Variants in HPCA observed in about 807,000 individuals in gnomAD.
HPCA encodes hippocalcin.
A neutral mutation model predicts 18.2 loss-of-function variants in HPCA; 4 were observed. The observed-to-expected ratio is 0.22, with a 90% CI of 0.11 to 0.50. The LOEUF is 0.50. HPCA is among the 20% of genes least tolerant of loss of function. The pLI, the probability that HPCA is intolerant of heterozygous loss-of-function variation, is 0.97. For missense variants in HPCA, 161 were observed against 265.8 expected, an observed-to-expected ratio of 0.61 and a Z score of 2.74; for synonymous variants, 93 against 103.5, an observed-to-expected ratio of 0.90 and a Z score of 0.61.
At chr1:32,891,010 TACTG>T (rs1641444872) in intron 2 of HPCA, among the ~76,000 whole-genome samples, 2 of 152,202 alleles carry the variant, frequency 1.3e-5, no homozygotes, top group Admixed American at 1.3e-4. Flanking sequence ...AGCAGCTGGG[TACTG>T]ACTATCTGAA....
rs367697699 is a variant in HPCA, at chr1:32,893,719, C to T, written c.485-46C>T. On this transcript the variant is annotated intron_variant, in intron 3 of 3. Transcript: ENST00000373467. This position sits in a 1 kb window ranked among gnomAD's most constrained non-coding sequence, Gnocchi z 7.5. ...CCCTTTCCCGCTCCGCCTCCCCTCGCTAGGCTGCCGCCTCCTCCCCCATCA... is the reference window on the plus strand; with the variant it reads ...CCCTTTCCCGCTCCGCCTCCCCTCGTTAGGCTGCCGCCTCCTCCCCCATCA... 267 of 1,520,634 alleles carry T rather than the reference C, an allele frequency of 1.8e-4. No individual in the cohort carries two copies. Among genetic ancestry groups the T allele is most frequent in the African/African-American group, 3.0e-4 (22 of 72,566 alleles). 94.2% of individuals were successfully genotyped at this position (1,520,634 alleles called of 1,614,324 possible).
At chr1:32,892,728 G>C (rs184501510) in intron 2 of HPCA, among the ~76,000 whole-genome samples, 2,017 of 152,310 alleles carry the variant, frequency 0.013, 14 homozygotes, top group Non-Finnish European at 0.02. Context: ...GGAGAAGGGA[G>C]GCTTCTTGGA....
intron 2 of HPCA, among the ~76,000 whole-genome samples, chr1:32,890,712 C>T (rs973425198): frequency 6.6e-6 from 1 of 152,256 alleles, no homozygotes; most frequent in African/African-American, 2.4e-5. Context: ...CCTTCTGCAT[C>T]TCTGAATCCT....
chr1:32,891,209 C>G (rs553791109), intron 2 of HPCA, among the ~76,000 whole-genome samples: 1 of 152,236 alleles, frequency 6.6e-6, no homozygotes, highest in African/African-American at 2.4e-5. Context: ...CCGGGGGCCC[C>G]AGACAGCTGG....
intron 2 of HPCA, among the ~76,000 whole-genome samples, chr1:32,891,195 C>A (rs760603527): frequency 1.1e-4 from 16 of 152,234 alleles, no homozygotes; most frequent in Non-Finnish European, 2.4e-4. Flanking sequence ...TCTTTTAGGG[C>A]GGCCCGGGGG....
Position 32,894,224 on chromosome 1 carries a change from CT to C in HPCA, c.*367del. On this transcript the variant is annotated 3_prime_UTR_variant, in exon 4 of 4. Transcript: ENST00000373467. The stretch of plus-strand genomic sequence containing the variant: ...GGGGAGTCATGCCCAGGGGAGGAGA[CT>C]TTTTATCTGGAGGGGAGAGAAGGAT... The C allele has an allele frequency of 3.9e-6, 1 of 259,044 alleles. No homozygotes were observed. Among genetic ancestry groups the C allele is most frequent in the Non-Finnish European group, 7.4e-6 (1 of 134,952 alleles). 16.0% of individuals were successfully genotyped at this position (259,044 alleles called of 1,614,324 possible).
At position 32,894,362 on chromosome 1, in the gene HPCA, G is replaced by A. The variant is rs113928878; in HGVS notation, c.*500G>A. 58 of 189,414 alleles carry A rather than the reference G, an allele frequency of 3.1e-4. No individual in the cohort carries two copies. The highest frequency in any genetic ancestry group is 1.0e-3 in the African/African-American group (44 of 42,938). 11.7% of individuals were successfully genotyped at this position (189,414 alleles called of 1,614,324 possible). On this transcript the variant is annotated 3_prime_UTR_variant, in exon 4 of 4. Coordinates refer to ENST00000373467, the MANE Select transcript of HPCA (RefSeq NM_002143.3). ...GTGAAACCTTCCAGGATACTAGCCC[G>A]CCAGCTGTGGGCCCCAGAAAGCCAG...
rs1008627295 is a variant in HPCA, at chr1:32,889,529, C to A, written c.378+253C>A. On this transcript the variant is annotated intron_variant, in intron 2 of 3. Coordinates refer to ENST00000373467, the MANE Select transcript of HPCA (RefSeq NM_002143.3). The surrounding 1 kb of genome is among the most constrained non-coding windows in gnomAD (Gnocchi z 4.6). Reference sequence around the variant, plus strand: ...CTTCATCATTATCAGTGTGTGTGTGCGTGTGTGCACACTAGTGTGTAACAT... The same window carrying A: ...CTTCATCATTATCAGTGTGTGTGTGAGTGTGTGCACACTAGTGTGTAACAT... 2.0e-5 allele frequency among the ~76,000 whole-genome samples: 3 copies of A among 152,144 alleles called. No homozygotes were observed. The highest frequency in any genetic ancestry group is 7.2e-5 in the African/African-American group (3 of 41,430).
At position 32,893,958 on chromosome 1, in the gene HPCA, G is replaced by C; in HGVS notation, c.*96G>C. On this transcript the variant is annotated 3_prime_UTR_variant, in exon 4 of 4. Coordinates refer to ENST00000373467, the MANE Select transcript of HPCA (RefSeq NM_002143.3). This position sits in a 1 kb window ranked among gnomAD's most constrained non-coding sequence, Gnocchi z 7.5. ...GTGTATTCTGGCTGGGGGCCAGATT[G>C]GGGAAGCCCTTCTCCCCGGGTCTGC... The C allele has an allele frequency of 3.2e-6, 3 of 944,852 alleles. No homozygotes were observed. Among genetic ancestry groups the C allele is most frequent in the South Asian group, 3.0e-5 (2 of 66,418 alleles). 58.5% of individuals were successfully genotyped at this position (944,852 alleles called of 1,614,324 possible).
rs765381859 is a variant in HPCA, at chr1:32,893,638, C to G, written c.484+9C>G. On this transcript the variant is annotated intron_variant, in intron 3 of 3. Transcript: ENST00000373467. The surrounding 1 kb of genome is among the most constrained non-coding windows in gnomAD (Gnocchi z 7.5). ...GGACACAAACAACGACGGTGAGGGG[C>G]AGGGGCGGGACGGGGTGGACGGGGC... 27 of 1,574,172 alleles carry G rather than the reference C, an allele frequency of 1.7e-5. 1 individual carries two copies. The South Asian group carries it at 3.0e-4, about 17-fold the overall frequency.
chr1:32,894,126 C>T lies in HPCA; in HGVS notation c.*264C>T. On this transcript the variant is annotated 3_prime_UTR_variant, in exon 4 of 4. Coordinates refer to ENST00000373467, the MANE Select transcript of HPCA (RefSeq NM_002143.3). ...CCCTCAGTCAGGCCCCCTTACCCACCCACCAGCCCCAAGGCCCGACCCCTC... is the reference window on the plus strand; with the variant it reads ...CCCTCAGTCAGGCCCCCTTACCCACTCACCAGCCCCAAGGCCCGACCCCTC... 2.1e-6 allele frequency: 1 copy of T among 472,076 alleles called. No individual in the cohort carries two copies. The highest frequency in any genetic ancestry group is 3.8e-6 in the Non-Finnish European group (1 of 263,782). The allele number at this position is 472,076 out of a possible 1,614,324, so 29.2% of individuals were successfully genotyped here.
At chr1:32,890,517 A>G (rs1641437678) in intron 2 of HPCA, among the ~76,000 whole-genome samples, 1 of 152,176 alleles carries the variant, frequency 6.6e-6, no homozygotes, top group Non-Finnish European at 1.5e-5. Context: ...GCAGGGATAG[A>G]GTGAGATAAG....
At position 32,893,642 on chromosome 1, in the gene HPCA, G is replaced by A. The variant is rs376928704; in HGVS notation, c.484+13G>A. ...ACAAACAACGACGGTGAGGGGCAGG[G>A]GCGGGACGGGGTGGACGGGGCGGGC... is the stretch of plus-strand genomic sequence containing the variant. On this transcript the variant is annotated intron_variant, in intron 3 of 3. Transcript: ENST00000373467. This position sits in a 1 kb window ranked among gnomAD's most constrained non-coding sequence, Gnocchi z 7.5. The A allele has an allele frequency of 2.4e-5, 38 of 1,601,426 alleles. No homozygotes were observed. In the East Asian group the frequency reaches 3.6e-4, roughly 15 times the overall value.
At position 32,889,134 on chromosome 1, in the gene HPCA, C is replaced by T; in HGVS notation, c.236C>T (p.Thr79Ile). The T allele has an allele frequency of 6.2e-7, 1 of 1,614,258 alleles. No homozygotes were observed. The highest frequency in any genetic ancestry group is 1.1e-5 in the South Asian group (1 of 91,090). ...ACCTTTGACACCAACAGCGATGGCA[C>T]CATAGACTTTCGGGAGTTCATCATT... ...FRTFDTNSDGTIDFREFIIAL... is the reference protein window; with the variant it reads ...FRTFDTNSDGIIDFREFIIAL... Residue 79 changes from threonine (T) to isoleucine (I), a missense_variant, in exon 2 of 4, where the codon ACC becomes ATC. By Grantham distance (89) the Thr-to-Ile change is moderately conservative. Transcript: ENST00000373467. This position sits in a 1 kb window ranked among gnomAD's most constrained non-coding sequence, Gnocchi z 4.6.
chr1:32,888,853 G>T, intron 1 of HPCA, 25 bp from the exon 2 acceptor site: 2 of 1,572,730 alleles, frequency 1.3e-6, no homozygotes, highest in Non-Finnish European at 1.7e-6. Context: ...ACTCCTCTCT[G>T]CCCTTGACCC....
chr1:32,887,543 C>T (rs971631919), intron 1 of HPCA, among the ~76,000 whole-genome samples: 3 of 152,040 alleles, frequency 2.0e-5, no homozygotes, highest in African/African-American at 7.2e-5. Context: ...ACTCAGGGGA[C>T]CTTTCAGGAC....
rs1022740917 is a variant in HPCA at position 32,886,773 on chromosome 1, C to A, written c.-22+258C>A. ...GGAGGGGCCACGCGCCGGGCGCTGT[C>A]CTAGTGCTGAGCGGATGGAGGCGGG... On this transcript the variant is annotated intron_variant, in intron 1 of 3. Transcript: ENST00000373467. The surrounding 1 kb of genome is among the most constrained non-coding windows in gnomAD (Gnocchi z 7.0). Among the ~76,000 whole-genome samples, 2 of 151,958 alleles carry A rather than the reference C, an allele frequency of 1.3e-5. No individual in the cohort carries two copies. Among genetic ancestry groups the A allele is most frequent in the African/African-American group, 4.8e-5 (2 of 41,388 alleles).
rs751468451 is a variant in HPCA, at chr1:32,889,167, G to A, written c.269G>A (p.Ser90Asn). The change falls in exon 2 of 4, where the codon AGC (serine) becomes AAC (asparagine). Residue 90 changes from serine to asparagine, a missense_variant. By Grantham distance (46) the Ser-to-Asn change is conservative. Transcript: ENST00000373467. This position sits in a 1 kb window ranked among gnomAD's most constrained non-coding sequence, Gnocchi z 4.6. The stretch of plus-strand genomic sequence containing the variant: ...TTTCGGGAGTTCATCATTGCGCTGA[G>A]CGTGACCTCGCGCGGCCGCCTGGAG... ...IDFREFIIAL[S>N]VTSRGRLEQK... 2.5e-6 allele frequency: 4 copies of A among 1,614,150 alleles called. No individual in the cohort carries two copies. Among genetic ancestry groups the A allele is most frequent in the Non-Finnish European group, 3.4e-6 (4 of 1,180,058 alleles).
In HPCA at chr1:32,893,450, G is replaced by T; in HGVS notation, c.379-74G>T. On this transcript the variant is annotated intron_variant, in intron 2 of 3. Transcript: ENST00000373467. The surrounding 1 kb of genome is among the most constrained non-coding windows in gnomAD (Gnocchi z 7.5). ...GGGGCAGCAAACGTCAGAGAGCCCG[G>T]GGGCGCCTCTGAATCTTGCGGGTGG... 2 of 1,059,202 alleles carry T rather than the reference G, an allele frequency of 1.9e-6. No homozygotes were observed. The allele number at this position is 1,059,202 out of a possible 1,614,324, so 65.6% of individuals were successfully genotyped here.
Sources: gnomAD v4.1 joint callset for allele counts (sites outside exome capture counted in the v4.1 genomes callset) on GRCh38, gnomAD v4.1.1 for gene constraint, Gnocchi (gnomAD v3.1) non-coding constraint, MANE v1.5 for transcripts, NCBI Gene and HGNC (gene_info 2026-07-23, HGNC 2026-07-21) for gene names.